The following SPTBN4 variants were observed in gnomAD, a reference collection of about 807,000 sequenced individuals.
The protein encoded by SPTBN4 is spectrin beta, non-erythrocytic 4, also known as spectrin beta chain, non-erythrocytic 4.
A neutral mutation model predicts 277.8 loss-of-function variants in SPTBN4; 96 were observed. The observed-to-expected ratio is 0.35, with a 90% CI of 0.29 to 0.41. The LOEUF is 0.41. Among genes scored for constraint, SPTBN4 ranks in the 10% least tolerant of loss-of-function variants. The pLI is 1.00. For synonymous variants in SPTBN4, 1,481 were observed against 1,580.3 expected (o/e 0.94, Z 1.49); for missense variants, 3,006 against 3,595.7 (o/e 0.84, Z 4.19).
intron 27 of SPTBN4, among the ~76,000 whole-genome samples, chr19:40,564,674 C>T (rs923466738): frequency 1.3e-5 from 2 of 151,500 alleles, no homozygotes; most frequent in East Asian, 3.9e-4. Context: ...CCTGTCTCTA[C>T]AGAAAATGAA....
intron 3 of SPTBN4, among the ~76,000 whole-genome samples, chr19:40,489,715 GTAGA>G (rs748038520): frequency 2.0e-5 from 3 of 152,152 alleles, no homozygotes; most frequent in African/African-American, 4.8e-5. Context: ...CAAAACATTG[GTAGA>G]GAGGGATCCA....
rs753635631 is a variant in SPTBN4 at position 40,503,898 on chromosome 19, C to T, written c.1431C>T (p.Asp477=). 78 of 1,612,690 alleles carry T rather than the reference C, an allele frequency of 4.8e-5. No individual in the cohort carries two copies. Among genetic ancestry groups the T allele is most frequent in the Non-Finnish European group, 1.9e-5 (22 of 1,179,076 alleles). The change falls in exon 12 of 36, where the codon GAC becomes GAT. Residue 477 remains aspartate (D), a synonymous_variant. Transcript: ENST00000598249. ...AGAAACACGAAGCGATCGAGGCAGA[C>T]ATTGCGGCCTACGAGGAGCGGGTGC... ...AMKKHEAIEA[D]IAAYEERVQG...
In SPTBN4 at chr19:40,515,559, A is replaced by G. The variant is rs2080444743; in HGVS notation, c.2903+111A>G. On this transcript the variant is annotated intron_variant, in intron 15 of 35. Coordinates refer to ENST00000598249, the MANE Select transcript of SPTBN4 (RefSeq NM_020971.3). The surrounding 1 kb of genome is among the most constrained non-coding windows in gnomAD (Gnocchi z 4.1). ...CCCCTGGAATCATAATGGCCACCCG[A>G]TAAATCAACAAAATGTTGACCAAAA... 2 of 1,249,102 alleles carry G rather than the reference A, an allele frequency of 1.6e-6. No individual in the cohort carries two copies. Among genetic ancestry groups the G allele is most frequent in the Admixed American group, 3.6e-5 (1 of 27,498 alleles). The allele number at this position is 1,249,102 out of a possible 1,614,324, so 77.4% of individuals were successfully genotyped here.
rs756073617 is a variant in SPTBN4 at position 40,557,260 on chromosome 19, G to A, written c.5527G>A (p.Ala1843Thr). 4 of 1,613,556 alleles carry A rather than the reference G, an allele frequency of 2.5e-6. No homozygotes were observed. The highest frequency in any genetic ancestry group is 1.7e-5 in the Admixed American group (1 of 59,984). The change falls in exon 26 of 36, where the codon GCC becomes ACC. Residue 1843 changes from alanine (A) to threonine (T), a missense_variant. Ala to Thr is a moderately conservative substitution (Grantham distance 58). Transcript: ENST00000598249. ...SRELHKFFSDARELQGQIEEK... is the reference protein window; with the variant it reads ...SRELHKFFSDTRELQGQIEEK... ...GGAGCTTCATAAGTTCTTCAGTGAC[G>A]CCCGAGAGCTTCAGGGACAGATTGA...
chr19:40,575,379 A>T, intron 35 of SPTBN4, 32 bp from the exon 36 acceptor site: 1 of 1,601,190 alleles, frequency 6.2e-7, no homozygotes, highest in Non-Finnish European at 8.5e-7. Context: ...TCTCTTCCAA[A>T]TACGGCCTCT....
intron 31 of SPTBN4, among the ~76,000 whole-genome samples, chr19:40,568,553 G>T (rs1407017297): frequency 1.3e-5 from 2 of 152,232 alleles, no homozygotes; most frequent in African/African-American, 4.8e-5. Context: ...TGTGACTCCT[G>T]CATCAAGTCT....
At chr19:40,532,187 G>C (rs2080683021) in intron 18 of SPTBN4, among the ~76,000 whole-genome samples, 1 of 151,814 alleles carries the variant, frequency 6.6e-6, no homozygotes, top group Non-Finnish European at 1.5e-5. Flanking sequence ...GTCCTTATTG[G>C]GGGGTGGCTA....
rs200416512 is a variant in SPTBN4 at position 40,548,740 on chromosome 19, AATT to A, written c.4360-444_4360-442del. On this transcript the variant is annotated intron_variant, in intron 20 of 35. Coordinates refer to ENST00000598249, the MANE Select transcript of SPTBN4 (RefSeq NM_020971.3). ...AAAAAAAAAAAAAGCGTTAACAAAA[AATT>A]ATTACTATATTTGATGGTAATAATT... is the stretch of plus-strand genomic sequence containing the variant. Among the ~76,000 whole-genome samples, 4 of 152,116 alleles carry A rather than the reference AATT, an allele frequency of 2.6e-5. No individual in the cohort carries two copies. In the East Asian group the frequency reaches 7.7e-4, roughly 29 times the overall value.
chr19:40,496,301 C>T (rs567539265), intron 6 of SPTBN4, among the ~76,000 whole-genome samples: 135 of 152,272 alleles, frequency 8.9e-4, no homozygotes, highest in African/African-American at 3.1e-3. Flanking sequence ...AGGCGCCCGC[C>T]ACCACACCTG....
At chr19:40,559,130 A>G (rs956563841) in intron 26 of SPTBN4, among the ~76,000 whole-genome samples, 2 of 151,480 alleles carry the variant, frequency 1.3e-5, no homozygotes, top group Non-Finnish European at 2.9e-5. Flanking sequence ...GGGTTTCACC[A>G]TGTTGGCCAG....
chr19:40,500,363 G>A (rs900612995), intron 7 of SPTBN4, among the ~76,000 whole-genome samples: 1 of 152,212 alleles, frequency 6.6e-6, no homozygotes, highest in Non-Finnish European at 1.5e-5. Context: ...TATTTTCTAA[G>A]GACATGCAGT....
chr19:40,549,505 G>A lies in SPTBN4; in HGVS notation c.4584+92G>A, dbSNP rs2080894178. On this transcript the variant is annotated intron_variant, in intron 21 of 35. Transcript: ENST00000598249. ...GGCGGGGCTGAAGATGGAGACGGCT[G>A]AGACCCTCCCACTCATACGCTGAAA... 5 of 1,045,834 alleles carry A rather than the reference G, an allele frequency of 4.8e-6. No individual in the cohort carries two copies. In the South Asian group the frequency reaches 8.9e-5, roughly 19 times the overall value. The allele number at this position is 1,045,834 out of a possible 1,614,324, so 64.8% of individuals were successfully genotyped here. A position where few individuals can be genotyped will look rare whatever the true frequency, so the allele number is the denominator to read the frequency against.
intron 6 of SPTBN4, among the ~76,000 whole-genome samples, chr19:40,497,072 CAAAA>C (rs35856852): frequency 6.7e-5 from 4 of 59,612 alleles, no homozygotes; most frequent in African/African-American, 1.3e-4. Context: ...GACTCCATCT[CAAAA>C]AAAAAAAAAA....
At position 40,472,490 on chromosome 19, in the gene SPTBN4, T is replaced by C. The variant is rs2079896307; in HGVS notation, c.-15-117T>C. The C allele has an allele frequency of 3.2e-6, 3 of 923,464 alleles. No homozygotes were observed. In the South Asian group the frequency reaches 5.7e-5, roughly 17 times the overall value. 57.2% of individuals were successfully genotyped at this position (923,464 alleles called of 1,614,324 possible). On this transcript the variant is annotated intron_variant, in intron 1 of 35. Transcript: ENST00000598249. ...CTGTGCCTAGGCCTTATCATTGTTA[T>C]TATGTCCACTTTAAAGACAGAGAAA...
At chr19:40,500,844 C>CAA in intron 7 of SPTBN4, among the ~76,000 whole-genome samples, 1 of 130,690 alleles carries the variant, frequency 7.7e-6, no homozygotes, top group African/African-American at 2.9e-5. Flanking sequence ...GAGACTGTCT[C>CAA]AAAAAAAAAG....
In SPTBN4 at chr19:40,493,022, T is replaced by C. The variant is rs1386575146; in HGVS notation, c.555T>C (p.Ala185=). ...DNRETRSAKD[A]LLLWCQMKTA... ...GAGAGACACGCTCAGCCAAGGATGCTCTGCTCTTGTGGTGTCAGATGAAGA... is the reference window on the plus strand; with the variant it reads ...GAGAGACACGCTCAGCCAAGGATGCCCTGCTCTTGTGGTGTCAGATGAAGA... The change falls in exon 5 of 36, where the codon GCT becomes GCC. Residue 185 remains alanine (A), a synonymous_variant. Transcript: ENST00000598249. The C allele has an allele frequency of 1.2e-6, 2 of 1,614,134 alleles. No individual in the cohort carries two copies. The highest frequency in any genetic ancestry group is 1.7e-6 in the Non-Finnish European group (2 of 1,180,022).
At chr19:40,541,416 A>C (rs899618214) in intron 20 of SPTBN4, among the ~76,000 whole-genome samples, 1 of 152,188 alleles carries the variant, frequency 6.6e-6, no homozygotes, top group Admixed American at 6.5e-5. Flanking sequence ...TGTGTGGGCC[A>C]GGGCACCCAG....
At chr19:40,500,257 G>C (rs1366259584) in intron 7 of SPTBN4, among the ~76,000 whole-genome samples, 1 of 152,082 alleles carries the variant, frequency 6.6e-6, no homozygotes, top group Non-Finnish European at 1.5e-5. Context: ...TCTGTGCCAG[G>C]CTAGTCTTTC....
intron 4 of SPTBN4, among the ~76,000 whole-genome samples, chr19:40,492,696 A>G (rs1375607460): frequency 6.6e-6 from 1 of 152,148 alleles, no homozygotes; most frequent in Non-Finnish European, 1.5e-5. Flanking sequence ...AGGAGACGGC[A>G]GTGCCTTAGA....
Sources: gnomAD v4.1 joint callset for allele counts (sites outside exome capture counted in the v4.1 genomes callset) on GRCh38, gnomAD v4.1.1 for gene constraint, Gnocchi (gnomAD v3.1) non-coding constraint, MANE v1.5 for transcripts, NCBI Gene and HGNC (gene_info 2026-07-23, HGNC 2026-07-21) for gene names.